Variants in SCHIP1 observed in about 807,000 individuals in gnomAD.
SCHIP1 encodes the protein schwannomin-interacting protein 1.
A neutral mutation model predicts 29.7 loss-of-function variants in SCHIP1; 8 were observed. The ratio of observed to expected loss-of-function variants is 0.27; its 90% CI spans 0.16 to 0.49. The LOEUF (loss-of-function observed/expected upper bound fraction) is 0.49, where lower values mean the gene tolerates loss of function less well. Ranked by LOEUF, SCHIP1 falls within the 20% of genes least tolerant of loss-of-function variation. The pLI is 0.99. For missense variants in SCHIP1, 193 were observed against 294.6 expected, an observed-to-expected ratio of 0.66 and a Z score of 2.52; for synonymous variants, 76 against 94.9, an observed-to-expected ratio of 0.80 and a Z score of 1.16.
the SCHIP1 span, among the ~76,000 whole-genome samples, chr3:159,756,656 T>A: frequency 5.3e-5 from 8 of 152,218 alleles, no homozygotes; most frequent in Non-Finnish European, 8.8e-5. Context: ...GGGTTTTTCC[T>A]TTTCTACTGC....
the SCHIP1 span, among the ~76,000 whole-genome samples, chr3:159,559,719 T>G: frequency 6.6e-6 from 1 of 152,178 alleles, no homozygotes; most frequent in Non-Finnish European, 1.5e-5. Flanking sequence ...CCCAGAGAGT[T>G]CCCTCATGCC....
chr3:159,585,346 A>G, the SCHIP1 span, among the ~76,000 whole-genome samples: 1 of 152,160 alleles, frequency 6.6e-6, no homozygotes. Context: ...AGGGATAAAA[A>G]CACTATTCCA....
chr3:159,509,164 C>T, the SCHIP1 span, among the ~76,000 whole-genome samples: 3 of 152,162 alleles, frequency 2.0e-5, no homozygotes, highest in African/African-American at 4.8e-5. Flanking sequence ...GTATTGGGTG[C>T]ATATATATTT....
chr3:159,398,919 C>A, the SCHIP1 span: 1 of 976,054 alleles, frequency 1.0e-6, no homozygotes, highest in Non-Finnish European at 1.2e-6. Context: ...ATATACTATA[C>A]AGAACTTAAA....
the SCHIP1 span, among the ~76,000 whole-genome samples, chr3:159,557,397 T>G: frequency 3.3e-3 from 505 of 152,358 alleles, 2 homozygotes; most frequent in African/African-American, 0.011. Context: ...TTCTAAGAAA[T>G]GATCCTATTT....
At chr3:159,885,868 G>C (rs905278690) in intron 2 of SCHIP1, among the ~76,000 whole-genome samples, 1 of 152,220 alleles carries the variant, frequency 6.6e-6, no homozygotes, top group Non-Finnish European at 1.5e-5. Flanking sequence ...TTATTTGCCC[G>C]AGGACCCCAT....
chr3:159,633,124 C>A, the SCHIP1 span, among the ~76,000 whole-genome samples: 1 of 152,178 alleles, frequency 6.6e-6, no homozygotes, highest in African/African-American at 2.4e-5. Flanking sequence ...TTAAACTCTG[C>A]AGTCTCATAA....
At chr3:159,576,262 A>G in the SCHIP1 span, among the ~76,000 whole-genome samples, 2 of 152,232 alleles carry the variant, frequency 1.3e-5, no homozygotes, top group Non-Finnish European at 2.9e-5. Flanking sequence ...AAAATTTTAA[A>G]AAGACTATTA....
At chr3:159,585,917 C>T in the SCHIP1 span, among the ~76,000 whole-genome samples, 1 of 152,080 alleles carries the variant, frequency 6.6e-6, no homozygotes, top group Non-Finnish European at 1.5e-5. Flanking sequence ...CTTTCTTGTT[C>T]ATCATCCCTA....
chr3:159,869,302 G>A lies in SCHIP1; in HGVS notation c.149+3021G>A, dbSNP rs546390163. Among the ~76,000 whole-genome samples the A allele has an allele frequency of 4.6e-5, 7 of 151,972 alleles. No homozygotes were observed. In the South Asian group the frequency reaches 1.2e-3, roughly 27 times the overall value. ...TAGTCAATGGCTTTCTGTATCTTGT[G>A]TAAGAAATTTTCTTCTCCCCCAAGA... On this transcript the variant is annotated intron_variant, in intron 2 of 6. Coordinates refer to ENST00000445224, the Ensembl canonical transcript of SCHIP1.
chr3:159,362,505 T>C, the SCHIP1 span, among the ~76,000 whole-genome samples: 5 of 152,218 alleles, frequency 3.3e-5, no homozygotes, highest in South Asian at 2.1e-4. Context: ...ATGTGATACA[T>C]GATTAGATAC....
the SCHIP1 span, among the ~76,000 whole-genome samples, chr3:159,356,523 G>A: frequency 1.2e-4 from 18 of 152,226 alleles, no homozygotes; most frequent in Non-Finnish European, 1.5e-4. Context: ...AAAAAACTTT[G>A]ATTTTGTTGT....
the SCHIP1 span, among the ~76,000 whole-genome samples, chr3:159,661,304 T>C: frequency 1.3e-5 from 2 of 152,120 alleles, no homozygotes; most frequent in East Asian, 1.9e-4. Context: ...TTTAGAGGCA[T>C]TTTCCATGTA....
the SCHIP1 span, among the ~76,000 whole-genome samples, chr3:159,488,370 G>A: frequency 6.6e-6 from 1 of 152,176 alleles, no homozygotes; most frequent in African/African-American, 2.4e-5. Flanking sequence ...AAATGCTTGA[G>A]GTAATGGATA....
the SCHIP1 span, among the ~76,000 whole-genome samples, chr3:159,499,028 C>T: frequency 6.6e-6 from 1 of 152,134 alleles, no homozygotes; most frequent in African/African-American, 2.4e-5. Context: ...TAGCTCAGCA[C>T]AGATATGCTG....
At chr3:159,334,953 T>G in the SCHIP1 span, among the ~76,000 whole-genome samples, 4 of 151,168 alleles carry the variant, frequency 2.6e-5, no homozygotes, top group South Asian at 2.1e-4. Flanking sequence ...CAGGCTGGAG[T>G]GTAGTGCTGC....
chr3:159,633,956 C>T, the SCHIP1 span, among the ~76,000 whole-genome samples: 2 of 151,892 alleles, frequency 1.3e-5, no homozygotes, highest in African/African-American at 4.8e-5. Context: ...ATAATTAACT[C>T]AAAAAAACCT....
At chr3:159,679,562 T>C in the SCHIP1 span, among the ~76,000 whole-genome samples, 1 of 152,214 alleles carries the variant, frequency 6.6e-6, no homozygotes, top group Non-Finnish European at 1.5e-5. Context: ...GGCCTTGTCA[T>C]GAGTAAACAG....
chr3:159,347,166 G>A, the SCHIP1 span, among the ~76,000 whole-genome samples: 1 of 152,112 alleles, frequency 6.6e-6, no homozygotes, highest in South Asian at 2.1e-4. Context: ...CCATAGTACT[G>A]TAGGAAGTAC....
Sources: gnomAD v4.1 joint callset for allele counts (sites outside exome capture counted in the v4.1 genomes callset) on GRCh38, gnomAD v4.1.1 for gene constraint, MANE v1.5 for transcripts, NCBI Gene and HGNC (gene_info 2026-07-23, HGNC 2026-07-21) for gene names.